The following CPS1 variants were observed in gnomAD, a reference collection of about 807,000 sequenced individuals.
The protein encoded by CPS1 is carbamoyl-phosphate synthase 1, also known as carbamoyl-phosphate synthase [ammonia], mitochondrial.
A neutral mutation model predicts 174.6 loss-of-function variants in CPS1; 109 were observed. The observed-to-expected ratio is 0.62, with a 90% CI of 0.53 to 0.73. CPS1 has a LOEUF of 0.73. CPS1 is among the 30% of genes least tolerant of loss of function. The pLI is 0.00. For synonymous variants in CPS1, 637 were observed against 632.0 expected (o/e 1.01, Z -0.12); for missense variants, 1,689 against 1,821.9 (o/e 0.93, Z 1.33).
chr2:210,500,057 G>C (rs1298945183), intron 1 of CPS1, among the ~76,000 whole-genome samples: 1 of 152,068 alleles, frequency 6.6e-6, no homozygotes, highest in Non-Finnish European at 1.5e-5. Context: ...TGGCAGGAGA[G>C]AGAATGAGTG....
rs1380602203 is a variant in CPS1 at position 210,602,323 on chromosome 2, G to A, written c.1829G>A (p.Ser610Asn). The change falls in exon 16 of 38, where the codon AGC becomes AAC. Residue 610 changes from serine to asparagine, a missense_variant. Transcript: ENST00000233072. ...CPNRETLMDL[S>N]TKAFAMTNQI... Reference sequence around the variant, plus strand: ...AACAGAGAGACTTTGATGGACCTCAGCACAAAGGTATGTATTTTTGTAGAC... The same window carrying A: ...AACAGAGAGACTTTGATGGACCTCAACACAAAGGTATGTATTTTTGTAGAC... The A allele has an allele frequency of 9.3e-6, 15 of 1,612,340 alleles. No homozygotes were observed. Among genetic ancestry groups the A allele is most frequent in the Non-Finnish European group, 2.5e-6 (3 of 1,178,982 alleles).
chr2:210,572,422 G>A (rs994336129), intron 1 of CPS1, among the ~76,000 whole-genome samples: 1 of 151,928 alleles, frequency 6.6e-6, no homozygotes, highest in African/African-American at 2.4e-5. Flanking sequence ...AGGTGTAGTT[G>A]AAAACATTTC....
Position 210,648,253 on chromosome 2 carries a change from G to T in CPS1, c.3336+196G>T, listed in dbSNP as rs1574639019. 2.0e-5 allele frequency among the ~76,000 whole-genome samples: 3 copies of T among 152,186 alleles called. No homozygotes were observed. In the East Asian group the frequency reaches 5.8e-4, roughly 29 times the overall value. On this transcript the variant is annotated intron_variant, in intron 26 of 37. Transcript: ENST00000233072. ...GAGTTGATAGCAGTATTCTCATTAA[G>T]ATTCAGACAATGAAAATAATTTCAA...
intron 1 of CPS1, among the ~76,000 whole-genome samples, chr2:210,505,664 C>T (rs141840068): frequency 6.6e-6 from 1 of 152,238 alleles, no homozygotes; most frequent in African/African-American, 2.4e-5. Context: ...ACAGAGGGCA[C>T]CTGGAAAATT....
intron 12 of CPS1, 37 bp downstream of exon 12, chr2:210,594,643 G>A: frequency 6.9e-7 from 1 of 1,449,058 alleles, no homozygotes; most frequent in Non-Finnish European, 9.7e-7. Context: ...TATGAATTTT[G>A]GATTGTCCCT....
chr2:210,602,316 G>C lies in CPS1; in HGVS notation c.1822G>C (p.Asp608His). 6.2e-7 allele frequency: 1 copy of C among 1,612,522 alleles called. No homozygotes were observed. The highest frequency in any genetic ancestry group is 1.1e-5 in the South Asian group (1 of 91,060). Residue 608 changes from aspartate to histidine, a missense_variant, in exon 16 of 38, where the codon GAC becomes CAC. Transcript: ENST00000233072. Reference protein sequence around the residue: ...GICPNRETLMDLSTKAFAMTN... With the variant: ...GICPNRETLMHLSTKAFAMTN... Reference sequence around the variant, plus strand: ...CTGTCCCAACAGAGAGACTTTGATGGACCTCAGCACAAAGGTATGTATTTT... The same window carrying C: ...CTGTCCCAACAGAGAGACTTTGATGCACCTCAGCACAAAGGTATGTATTTT...
intron 1 of CPS1, among the ~76,000 whole-genome samples, chr2:210,568,847 A>G (rs1369285519): frequency 1.3e-5 from 2 of 152,146 alleles, no homozygotes; most frequent in Non-Finnish European, 2.9e-5. Context: ...AATTTGAAAC[A>G]TGGTTAAAAT....
intron 29 of CPS1, among the ~76,000 whole-genome samples, chr2:210,655,429 C>T (rs1700672561): frequency 6.6e-6 from 1 of 152,072 alleles, no homozygotes; most frequent in Admixed American, 6.5e-5. Context: ...TGGAAATGTT[C>T]CAGGTTATTC....
At chr2:210,532,202 T>C (rs1404414365) in intron 1 of CPS1, among the ~76,000 whole-genome samples, 4 of 152,118 alleles carry the variant, frequency 2.6e-5, no homozygotes, top group Admixed American at 2.6e-4. Context: ...TTAAATAATT[T>C]TGGAGGGTTA....
chr2:210,496,907 A>G (rs539434778), intron 1 of CPS1, among the ~76,000 whole-genome samples: 2 of 152,238 alleles, frequency 1.3e-5, no homozygotes, highest in South Asian at 2.1e-4. Flanking sequence ...ATCTAATACT[A>G]TGTGTTAACT....
intron 1 of CPS1, among the ~76,000 whole-genome samples, chr2:210,512,759 T>G (rs1171282137): frequency 1.3e-5 from 1 of 75,016 alleles, no homozygotes; most frequent in Non-Finnish European, 2.3e-5. Context: ...TATATATATA[T>G]ATATATATAT....
intron 1 of CPS1, chr2:210,519,526 C>A (rs1393898193): frequency 1.3e-5 from 2 of 152,252 alleles, no homozygotes; most frequent in African/African-American, 4.8e-5. Flanking sequence ...TAATTATTGT[C>A]ATTGACAACT....
chr2:210,617,907 C>G (rs903719972), intron 21 of CPS1: 2 of 151,962 alleles, frequency 1.3e-5, no homozygotes, highest in Non-Finnish European at 2.9e-5. Context: ...GCCTATGAAA[C>G]CACTCCAATT....
chr2:210,507,131 G>A lies in CPS1; in HGVS notation c.3+29365G>A, dbSNP rs192779000. On this transcript the variant is annotated intron_variant, in intron 1 of 38. Transcript: ENST00000430249. ...AATGTTAAGGGCAGCCAGAGAGAAAGGTCGGGTTACCCATAAAGGGAAGCC... is the reference window on the plus strand; with the variant it reads ...AATGTTAAGGGCAGCCAGAGAGAAAAGTCGGGTTACCCATAAAGGGAAGCC... Among the ~76,000 whole-genome samples the A allele has an allele frequency of 2.5e-3, 375 of 152,258 alleles. 3 individuals are homozygous for A. Among genetic ancestry groups the A allele is most frequent in the African/African-American group, 8.2e-3 (341 of 41,554 alleles).
chr2:210,556,143 AT>A (rs1223317878), upstream of CPS1, among the ~76,000 whole-genome samples: 2 of 152,062 alleles, frequency 1.3e-5, no homozygotes, highest in Non-Finnish European at 2.9e-5. Flanking sequence ...AGAAAAGTTT[AT>A]TCTAACGTTC....
chr2:210,626,108 C>G (rs565262953), intron 21 of CPS1, among the ~76,000 whole-genome samples: 233 of 152,108 alleles, frequency 1.5e-3, no homozygotes, highest in African/African-American at 5.2e-3. Flanking sequence ...ATAGGTCTTT[C>G]TTAGCAAAAA....
intron 1 of CPS1, among the ~76,000 whole-genome samples, chr2:210,513,956 T>C (rs769364517): frequency 3.9e-5 from 6 of 152,072 alleles, no homozygotes; most frequent in African/African-American, 7.2e-5. Flanking sequence ...TCTTTCCCCA[T>C]TGCTTGTTTT....
rs1700265109 is a variant in CPS1 at position 210,642,660 on chromosome 2, C to T, written c.3136C>T (p.Gln1046Ter). ...SLERILDIYH[Q>*]EACGGCIISV... ...GGAGAGAATCCTAGACATCTACCATCAGGAGGTAAGAAAAGAAAAACAGAA... is the reference window on the plus strand; with the variant it reads ...GGAGAGAATCCTAGACATCTACCATTAGGAGGTAAGAAAAGAAAAACAGAA... Residue 1046 changes from glutamine (Q) to a stop codon, truncating the protein, a stop_gained, in exon 25 of 38, where the codon CAG (glutamine) becomes TAG (stop). Transcript: ENST00000233072. LOFTEE classifies it high-confidence loss of function. The T allele has an allele frequency of 6.2e-7, 1 of 1,613,106 alleles. No individual in the cohort carries two copies. The highest frequency in any genetic ancestry group is 8.5e-7 in the Non-Finnish European group (1 of 1,179,750).
At chr2:210,646,183 A>AT (rs1417081544) in intron 25 of CPS1, among the ~76,000 whole-genome samples, 5 of 152,076 alleles carry the variant, frequency 3.3e-5, no homozygotes, top group Admixed American at 2.0e-4. Context: ...CATATAAGAG[A>AT]TTTTTTGTGT....
Sources: gnomAD v4.1 joint callset for allele counts (sites outside exome capture counted in the v4.1 genomes callset) on GRCh38, gnomAD v4.1.1 for gene constraint, MANE v1.5 for transcripts, NCBI Gene and HGNC (gene_info 2026-07-23, HGNC 2026-07-21) for gene names.